Variants in NEGR1 observed in about 807,000 individuals in gnomAD.
NEGR1 encodes the protein IgLON family member 4.
Under a neutral mutation model 40.9 loss-of-function variants are expected in NEGR1, and 10 were observed. The ratio of observed to expected loss-of-function variants is 0.24; its 90% confidence interval spans 0.15 to 0.42. NEGR1 has a LOEUF of 0.42. Among genes scored for constraint, NEGR1 ranks in the 10% least tolerant of loss-of-function variants. The pLI, the probability that NEGR1 is intolerant of heterozygous loss-of-function variation, is 1.00. For missense variants in NEGR1, 352 were observed against 438.9 expected, an observed-to-expected ratio of 0.80 and a Z score of 1.77; for synonymous variants, 185 against 166.8, an observed-to-expected ratio of 1.11 and a Z score of -0.84.
chr1:71,764,229 T>C (rs1656044746), intron 3 of NEGR1, among the ~76,000 whole-genome samples: 1 of 152,170 alleles, frequency 6.6e-6, no homozygotes, highest in South Asian at 2.1e-4. Context: ...ATATTCCTAG[T>C]AGAAGAAACA....
rs1219026099 is a variant in NEGR1 at position 72,097,661 on chromosome 1, CAT to C, written c.177-162352_177-162351del. Among the ~76,000 whole-genome samples, 7 of 152,314 alleles carry C rather than the reference CAT, an allele frequency of 4.6e-5. No homozygotes were observed. The South Asian group carries it at 1.5e-3, about 32-fold the overall frequency. On this transcript the variant is annotated intron_variant, in intron 1 of 6. Transcript: ENST00000357731. ...CCCATTTCATGCTTCGCAAAAGATT[CAT>C]AGAGTGGGAAGAATATTACATGCTG... is the stretch of plus-strand genomic sequence containing the variant.
intron 1 of NEGR1, among the ~76,000 whole-genome samples, chr1:72,150,364 T>C (rs1296664623): frequency 6.6e-6 from 1 of 152,184 alleles, no homozygotes; most frequent in Non-Finnish European, 1.5e-5. Flanking sequence ...CTTGAAGGTG[T>C]AAAGGTTAAG....
chr1:71,639,978 C>T (rs1557596746), intron 4 of NEGR1, among the ~76,000 whole-genome samples: 1 of 152,042 alleles, frequency 6.6e-6, no homozygotes, highest in Non-Finnish European at 1.5e-5. Context: ...CGAAGCAGAA[C>T]TGCTCTGCTT....
intron 2 of NEGR1, among the ~76,000 whole-genome samples, chr1:71,881,006 G>GTA (rs1452820742): frequency 6.6e-6 from 1 of 152,130 alleles, no homozygotes; most frequent in East Asian, 1.9e-4. Context: ...GATGGGTGGT[G>GTA]TATATGCTTT....
intron 2 of NEGR1, among the ~76,000 whole-genome samples, chr1:71,851,598 G>C (rs970422162): frequency 6.6e-6 from 1 of 152,106 alleles, no homozygotes; most frequent in Non-Finnish European, 1.5e-5. Context: ...TAGTAAAAGA[G>C]ATTTTTAATG....
intron 1 of NEGR1, among the ~76,000 whole-genome samples, chr1:72,047,324 A>T (rs529063414): frequency 1.3e-5 from 2 of 151,638 alleles, no homozygotes; most frequent in East Asian, 3.9e-4. Flanking sequence ...CATGTAAGAA[A>T]ATGAAAAAGC....
chr1:71,450,049 G>C (rs1296723415), intron 6 of NEGR1, among the ~76,000 whole-genome samples: 1 of 150,008 alleles, frequency 6.7e-6, no homozygotes, highest in African/African-American at 2.5e-5. Context: ...AGAGTGCAGC[G>C]GTCCACTCTT....
intron 6 of NEGR1, among the ~76,000 whole-genome samples, chr1:71,495,084 C>G (rs1375723731): frequency 2.0e-5 from 3 of 152,162 alleles, no homozygotes; most frequent in African/African-American, 7.2e-5. Flanking sequence ...CAGTATCTAA[C>G]ACACATAAAA....
chr1:72,145,799 T>C (rs1001409967), intron 1 of NEGR1, among the ~76,000 whole-genome samples: 1 of 152,176 alleles, frequency 6.6e-6, no homozygotes, highest in Non-Finnish European at 1.5e-5. Context: ...GCAATACTAC[T>C]AACATGTCAT....
At chr1:71,415,612 C>G (rs889982184) in intron 6 of NEGR1, among the ~76,000 whole-genome samples, 1 of 152,222 alleles carries the variant, frequency 6.6e-6, no homozygotes, top group Non-Finnish European at 1.5e-5. Context: ...AAGCAATCAT[C>G]CAAATATAAA....
intron 1 of NEGR1, among the ~76,000 whole-genome samples, chr1:72,000,701 T>TAACA (rs1646549451): frequency 6.6e-6 from 1 of 152,198 alleles, no homozygotes; most frequent in African/African-American, 2.4e-5. Context: ...AAATTGTTTC[T>TAACA]AACAGTGAAC....
At chr1:71,657,740 T>C (rs1651922511) in intron 4 of NEGR1, among the ~76,000 whole-genome samples, 1 of 152,226 alleles carries the variant, frequency 6.6e-6, no homozygotes, top group African/African-American at 2.4e-5. Context: ...CCCTGGTGAC[T>C]GCCCTCCTTT....
At chr1:71,570,489 T>G (rs1458487868) in intron 6 of NEGR1, among the ~76,000 whole-genome samples, 2 of 152,162 alleles carry the variant, frequency 1.3e-5, no homozygotes, top group African/African-American at 4.8e-5. Flanking sequence ...TGCCCAATAG[T>G]CAAGTCTATC....
intron 1 of NEGR1, among the ~76,000 whole-genome samples, chr1:72,225,376 A>T (rs575165241): frequency 7.9e-5 from 12 of 152,096 alleles, no homozygotes; most frequent in African/African-American, 2.6e-4. Context: ...ATTGTCAAAA[A>T]CTAAAATATA....
intron 1 of NEGR1, among the ~76,000 whole-genome samples, chr1:71,940,017 C>A (rs1281631835): frequency 2.0e-5 from 3 of 151,902 alleles, no homozygotes; most frequent in African/African-American, 4.8e-5. Flanking sequence ...TAGAGTCAGG[C>A]AGCAGCAAGT....
intron 6 of NEGR1, among the ~76,000 whole-genome samples, chr1:71,499,299 A>C (rs1234260224): frequency 6.6e-6 from 1 of 151,734 alleles, no homozygotes; most frequent in Non-Finnish European, 1.5e-5. Flanking sequence ...ATTTCAATAC[A>C]TGCTTGAGGA....
Position 71,401,126 on chromosome 1 carries a change from G to C in NEGR1, c.*6320C>G, listed in dbSNP as rs1323978182. The C allele has an allele frequency of 1.3e-5, 2 of 152,158 alleles. No homozygotes were observed. Among genetic ancestry groups the C allele is most frequent in the Non-Finnish European group, 2.9e-5 (2 of 68,022 alleles). 9.4% of individuals were successfully genotyped at this position (152,158 alleles called of 1,614,324 possible). A position where few individuals can be genotyped will look rare whatever the true frequency, so the allele number is the denominator to read the frequency against. ...TGGAACACACTTTTACAGGTTACCT[G>C]ATTCTGATTCTTTTGGAGCCTCTGT... On this transcript the variant is annotated 3_prime_UTR_variant, in exon 7 of 7. Coordinates refer to ENST00000357731, the MANE Select transcript of NEGR1 (RefSeq NM_173808.3).
intron 3 of NEGR1, among the ~76,000 whole-genome samples, chr1:71,703,864 G>C (rs1189557520): frequency 6.6e-6 from 1 of 151,260 alleles, no homozygotes; most frequent in Non-Finnish European, 1.5e-5. Context: ...CCCATAAAGG[G>C]GACAGAAAAA....
intron 6 of NEGR1, among the ~76,000 whole-genome samples, chr1:71,545,103 C>T (rs1415634099): frequency 1.3e-5 from 2 of 151,470 alleles, no homozygotes; most frequent in East Asian, 3.9e-4. Flanking sequence ...TAACAGCCTG[C>T]CCCCCAACCA....
Sources: allele counts gnomAD v4.1 joint callset (sites outside exome capture counted in the v4.1 genomes callset), GRCh38; gene constraint gnomAD v4.1.1; transcripts MANE v1.5; gene names NCBI Gene and HGNC (gene_info 2026-07-23, HGNC 2026-07-21).